Variants in MMP24 observed in about 807,000 individuals in gnomAD.
MMP24 encodes the protein matrix metallopeptidase 24.
Under a neutral mutation model 62.8 loss-of-function variants are expected in MMP24, and 25 were observed. That is an observed-to-expected ratio of 0.40 (90% CI 0.29 to 0.56). The LOEUF is 0.56. Ranked by LOEUF, MMP24 falls within the 20% of genes least tolerant of loss-of-function variation. The pLI is 0.50. For synonymous variants in MMP24, 319 were observed against 350.5 expected, an observed-to-expected ratio of 0.91 and a Z score of 1.00; for missense variants, 634 against 853.6, an observed-to-expected ratio of 0.74 and a Z score of 3.21.
chr20:35,274,492 C>A lies in MMP24; in HGVS notation c.1821C>A (p.Ile607=). The A allele has an allele frequency of 9.3e-6, 15 of 1,614,028 alleles. No individual in the cohort carries two copies. Among genetic ancestry groups the A allele is most frequent in the Non-Finnish European group, 1.3e-5 (15 of 1,179,884 alleles). The change falls in exon 9 of 9, where the codon ATC becomes ATA. Residue 607 remains isoleucine, a synonymous_variant. Coordinates refer to ENST00000246186, the MANE Select transcript of MMP24 (RefSeq NM_006690.4). The surrounding 1 kb of genome is among the most constrained non-coding windows in gnomAD (Gnocchi z 5.1). The part of the protein sequence containing the change: ...PGSVNAVAVV[I]PCILSLCILV... Reference sequence around the variant, plus strand: ...CCGTGAACGCCGTGGCCGTGGTCATCCCCTGCATCCTGTCCCTCTGCATCC... The same window carrying A: ...CCGTGAACGCCGTGGCCGTGGTCATACCCTGCATCCTGTCCCTCTGCATCC...
At chr20:35,229,688 AC>A (rs1429062251) in intron 1 of MMP24, among the ~76,000 whole-genome samples, 1 of 151,574 alleles carries the variant, frequency 6.6e-6, no homozygotes, top group Non-Finnish European at 1.5e-5. Context: ...TCTCCACCCT[AC>A]CCCTCCATTA....
In MMP24 at chr20:35,271,269, G is replaced by A. The variant is rs903616984; in HGVS notation, c.1334-300G>A. 6.6e-6 allele frequency among the ~76,000 whole-genome samples: 1 copy of A among 152,152 alleles called. No individual in the cohort carries two copies. The highest frequency in any genetic ancestry group is 2.4e-5 in the African/African-American group (1 of 41,432). ...GGTCCAGTGGGAGAGCCTCAGAGTCGGGTGTCACTGGTAGCAGGTTTGGGG... is the reference window on the plus strand; with the variant it reads ...GGTCCAGTGGGAGAGCCTCAGAGTCAGGTGTCACTGGTAGCAGGTTTGGGG... On this transcript the variant is annotated intron_variant, in intron 7 of 8. Coordinates refer to ENST00000246186, the MANE Select transcript of MMP24 (RefSeq NM_006690.4). The surrounding 1 kb of genome is among the most constrained non-coding windows in gnomAD (Gnocchi z 4.0).
At position 35,274,353 on chromosome 20, in the gene MMP24, A is replaced by G. The variant is rs752919164; in HGVS notation, c.1682A>G (p.Asn561Ser). 2 of 1,613,926 alleles carry G rather than the reference A, an allele frequency of 1.2e-6. No homozygotes were observed. The highest frequency in any genetic ancestry group is 3.3e-5 in the Admixed American group (2 of 60,028). ...AGCGTGGAGCCAGGCTACCCGCGCA[A>G]CATCCTGCGTGACTGGATGGGCTGC... Reference protein sequence around the residue: ...KLSVEPGYPRNILRDWMGCNQ... With the variant: ...KLSVEPGYPRSILRDWMGCNQ... Residue 561 changes from asparagine to serine, a missense_variant, in exon 9 of 9, where the codon AAC becomes AGC. Coordinates refer to ENST00000246186, the MANE Select transcript of MMP24 (RefSeq NM_006690.4). This position sits in a 1 kb window ranked among gnomAD's most constrained non-coding sequence, Gnocchi z 5.1.
In MMP24 at chr20:35,226,878, C is replaced by A; in HGVS notation, c.140C>A (p.Pro47Gln). The A allele has an allele frequency of 1.0e-6, 1 of 979,112 alleles. No homozygotes were observed. The highest frequency in any genetic ancestry group is 4.6e-5 in the South Asian group (1 of 21,938). The allele number at this position is 979,112 out of a possible 1,614,324, so 60.7% of individuals were successfully genotyped here. The change falls in exon 1 of 9, where the codon CCG becomes CAG. Residue 47 changes from proline (P) to glutamine (Q), a missense_variant. Physicochemically the swap from Pro to Gln is moderately conservative, Grantham distance 76. Around this residue, in one of 3 missense-constraint regions of MMP24, gnomAD observed 212 missense variants for 259.6 expected, o/e 0.82. Coordinates refer to ENST00000246186, the MANE Select transcript of MMP24 (RefSeq NM_006690.4). ...LLLLPALCCL[P>Q]GAARAAAAAA... ...CTGCTGCCCGCGCTCTGCTGCCTCC[C>A]GGGCGCCGCGCGGGCGGCGGCGGCG...
intron 1 of MMP24, among the ~76,000 whole-genome samples, chr20:35,240,045 G>A (rs1017506680): frequency 1.3e-5 from 2 of 152,284 alleles, no homozygotes; most frequent in South Asian, 2.1e-4. Context: ...CACTCTGACC[G>A]TACGGAATAT....
At chr20:35,261,375 C>T (rs549424669) in intron 4 of MMP24, among the ~76,000 whole-genome samples, 1 of 152,330 alleles carries the variant, frequency 6.6e-6, no homozygotes, top group Admixed American at 6.5e-5. Flanking sequence ...ACGCACTTCA[C>T]GTGTATCTTA....
chr20:35,255,596 C>T (rs1033441414), intron 4 of MMP24, among the ~76,000 whole-genome samples: 1 of 152,062 alleles, frequency 6.6e-6, no homozygotes, highest in African/African-American at 2.4e-5. Context: ...TGCAGGTTGC[C>T]AAAAAATTCA....
At chr20:35,270,486 T>A (rs116723830) in intron 7 of MMP24, among the ~76,000 whole-genome samples, 8,878 of 152,170 alleles carry the variant, frequency 0.058, 672 homozygotes, top group African/African-American at 0.18. Context: ...CCCAGAAAGG[T>A]CATTTGGAGG....
intron 1 of MMP24, among the ~76,000 whole-genome samples, chr20:35,229,935 T>C (rs1245451636): frequency 1.3e-5 from 2 of 152,202 alleles, no homozygotes; most frequent in African/African-American, 2.4e-5. Context: ...CCAGGAAACA[T>C]TTTTAAGGCA....
Position 35,269,663 on chromosome 20 carries a change from G to A in MMP24, c.1195-97G>A. On this transcript the variant is annotated intron_variant, in intron 6 of 8. Transcript: ENST00000246186. This position sits in a 1 kb window ranked among gnomAD's most constrained non-coding sequence, Gnocchi z 4.6. Reference sequence around the variant, plus strand: ...GCAGCTAATGGACAGTCTCGGTGGAGGGCTGGGCTGTTGGGACCTAAGCCC... The same window carrying A: ...GCAGCTAATGGACAGTCTCGGTGGAAGGCTGGGCTGTTGGGACCTAAGCCC... 2.1e-6 allele frequency: 3 copies of A among 1,417,318 alleles called. No homozygotes were observed. In the South Asian group the frequency reaches 4.0e-5, roughly 19 times the overall value. The allele number at this position is 1,417,318 out of a possible 1,614,324, so 87.8% of individuals were successfully genotyped here. A position where few individuals can be genotyped will look rare whatever the true frequency, so the allele number is the denominator to read the frequency against.
intron 1 of MMP24, among the ~76,000 whole-genome samples, chr20:35,241,973 A>T (rs573014737): frequency 1.3e-5 from 2 of 152,340 alleles, no homozygotes; most frequent in South Asian, 2.1e-4. Flanking sequence ...GTTGGCAGAT[A>T]GGGAGGCACT....
chr20:35,253,481 C>T (rs1265996324), intron 3 of MMP24, among the ~76,000 whole-genome samples: 1 of 151,906 alleles, frequency 6.6e-6, no homozygotes, highest in Non-Finnish European at 1.5e-5. Flanking sequence ...GAGAAAGAAG[C>T]ACTGGGTTCT....
chr20:35,234,770 G>A (rs76070222), intron 1 of MMP24, among the ~76,000 whole-genome samples: 7,844 of 152,290 alleles, frequency 0.052, 666 homozygotes, highest in African/African-American at 0.18. Flanking sequence ...AACCAGGCAT[G>A]GTGGCTCATG....
intron 4 of MMP24, among the ~76,000 whole-genome samples, chr20:35,256,643 C>T (rs1427239992): frequency 3.6e-5 from 5 of 139,936 alleles, no homozygotes; most frequent in African/African-American, 7.8e-5. Flanking sequence ...CCCTTGAACC[C>T]GGGAGGCGGA....
Position 35,226,827 on chromosome 20 carries a change from G to T in MMP24, c.89G>T (p.Arg30Leu). ...PGQAPRWSRWRVPGRLLLLLL... is the reference protein window; with the variant it reads ...PGQAPRWSRWLVPGRLLLLLL... ...CAGGCCCCGCGCTGGAGCCGCTGGC[G>T]GGTCCCTGGGCGGCTGCTGCTGCTG... The change falls in exon 1 of 9, where the codon CGG (arginine) becomes CTG (leucine). Residue 30 changes from arginine (R) to leucine (L), a missense_variant. Transcript: ENST00000246186. The T allele has an allele frequency of 1.1e-6, 1 of 901,618 alleles. No homozygotes were observed. The highest frequency in any genetic ancestry group is 1.3e-6 in the Non-Finnish European group (1 of 792,780). The allele number at this position is 901,618 out of a possible 1,614,324, so 55.9% of individuals were successfully genotyped here.
chr20:35,248,152 TG>T, intron 2 of MMP24, among the ~76,000 whole-genome samples: 2 of 151,816 alleles, frequency 1.3e-5, no homozygotes. Context: ...CCAAGGGAGT[TG>T]GTGGGGGGAG....
chr20:35,274,769 G>T lies in MMP24; in HGVS notation c.*160G>T, dbSNP rs955707465. The stretch of plus-strand genomic sequence containing the variant: ...GGTGCATTGGCCTAGGCTGAGCGTG[G>T]GGCAGGGAATTATGGGGGCTGTGCC... On this transcript the variant is annotated 3_prime_UTR_variant, in exon 9 of 9. Transcript: ENST00000246186. The surrounding 1 kb of genome is among the most constrained non-coding windows in gnomAD (Gnocchi z 5.1). The T allele has an allele frequency of 3.0e-6, 2 of 676,100 alleles. No homozygotes were observed. Among genetic ancestry groups the T allele is most frequent in the Non-Finnish European group, 4.9e-6 (2 of 407,216 alleles). The allele number at this position is 676,100 out of a possible 1,614,324, so 41.9% of individuals were successfully genotyped here.
chr20:35,271,558 C>T lies in MMP24; in HGVS notation c.1334-11C>T, dbSNP rs1475210317. 2 of 1,608,994 alleles carry T rather than the reference C, an allele frequency of 1.2e-6. No homozygotes were observed. Among genetic ancestry groups the T allele is most frequent in the Non-Finnish European group, 1.7e-6 (2 of 1,176,844 alleles). Reference sequence around the variant, plus strand: ...CTGGGGAAGCTGATCCTGGGCTCCTCTTGGCCACAGGTGACAAGTATTGGG... The same window carrying T: ...CTGGGGAAGCTGATCCTGGGCTCCTTTTGGCCACAGGTGACAAGTATTGGG... On this transcript the variant is annotated splice_polypyrimidine_tract_variant and intron_variant, in intron 7 of 8. Transcript: ENST00000246186. The surrounding 1 kb of genome is among the most constrained non-coding windows in gnomAD (Gnocchi z 4.0).
intron 2 of MMP24, 128 bp downstream of exon 2, chr20:35,247,116 T>C: frequency 8.9e-7 from 1 of 1,121,898 alleles, no homozygotes; most frequent in East Asian, 2.5e-5. Context: ...AGTGCCATCC[T>C]GGGAAAGAAT....
Sources: gnomAD v4.1 joint callset for allele counts (sites outside exome capture counted in the v4.1 genomes callset) on GRCh38, gnomAD v4.1.1 for gene constraint, gnomAD v4.1.1 regional missense constraint, Gnocchi (gnomAD v3.1) non-coding constraint, MANE v1.5 for transcripts, NCBI Gene and HGNC (gene_info 2026-07-23, HGNC 2026-07-21) for gene names.